The following EEIG2 variants were observed in gnomAD, a reference collection of about 807,000 sequenced individuals.
The protein encoded by EEIG2 is EEIG family member 2.
At chr1:108,600,725 C>T in the EEIG2 span, 1 of 1,577,526 alleles carries the variant, frequency 6.3e-7, no homozygotes, top group Non-Finnish European at 8.7e-7. Context: ...TTTCAGAAAC[C>T]ATAATTAGTT....
chr1:108,579,342 A>G, the EEIG2 span, among the ~76,000 whole-genome samples: 1 of 95,444 alleles, frequency 1.0e-5, no homozygotes, highest in African/African-American at 3.6e-5. Context: ...AGAGACAAAG[A>G]AGGCCATTAC....
chr1:108,619,150 C>T, the EEIG2 span, among the ~76,000 whole-genome samples: 1 of 152,272 alleles, frequency 6.6e-6, no homozygotes, highest in South Asian at 2.1e-4. Flanking sequence ...TCTACTTAAA[C>T]TCACATATTG....
At chr1:108,609,150 T>C in the EEIG2 span, among the ~76,000 whole-genome samples, 2 of 152,202 alleles carry the variant, frequency 1.3e-5, no homozygotes, top group Non-Finnish European at 2.9e-5. Context: ...ATTGACATTG[T>C]AATATACCAA....
At chr1:108,610,202 G>T in the EEIG2 span, among the ~76,000 whole-genome samples, 1 of 152,208 alleles carries the variant, frequency 6.6e-6, no homozygotes, top group Non-Finnish European at 1.5e-5. Flanking sequence ...CAGCATGTTT[G>T]TGTGCTTTTG....
chr1:108,585,603 CT>C, the EEIG2 span, among the ~76,000 whole-genome samples: 1 of 152,132 alleles, frequency 6.6e-6, no homozygotes, highest in Non-Finnish European at 1.5e-5. Context: ...TAATCTCATC[CT>C]TTTACCAATG....
chr1:108,600,801 T>TC, the EEIG2 span: 1 of 1,010,102 alleles, frequency 9.9e-7, no homozygotes, highest in Non-Finnish European at 1.4e-6. Flanking sequence ...TATATGCAGT[T>TC]TCACTTCATG....
chr1:108,567,894 G>C, the EEIG2 span, among the ~76,000 whole-genome samples: 1 of 152,104 alleles, frequency 6.6e-6, no homozygotes, highest in Non-Finnish European at 1.5e-5. Flanking sequence ...GCTACTCAGG[G>C]AGACTGAGGT....
At chr1:108,603,268 G>C in the EEIG2 span, among the ~76,000 whole-genome samples, 1 of 152,168 alleles carries the variant, frequency 6.6e-6, no homozygotes, top group Non-Finnish European at 1.5e-5. Flanking sequence ...CAAAAGAATG[G>C]CTGAGCAGCG....
At chr1:108,597,306 G>C in the EEIG2 span, among the ~76,000 whole-genome samples, 7 of 152,198 alleles carry the variant, frequency 4.6e-5, no homozygotes. Flanking sequence ...TTCTGGCATT[G>C]TGAGAAGCCA....
At chr1:108,623,414 G>C in the EEIG2 span, among the ~76,000 whole-genome samples, 1 of 152,142 alleles carries the variant, frequency 6.6e-6, no homozygotes, top group African/African-American at 2.4e-5. Flanking sequence ...AGGATTGCTT[G>C]AGCTGGAGAA....
chr1:108,579,881 A>G, the EEIG2 span, among the ~76,000 whole-genome samples: 1 of 151,996 alleles, frequency 6.6e-6, no homozygotes, highest in African/African-American at 2.4e-5. Context: ...AGGCTCAAGC[A>G]GTTATCCTGA....
chr1:108,568,114 C>T, the EEIG2 span, among the ~76,000 whole-genome samples: 2 of 151,946 alleles, frequency 1.3e-5, no homozygotes, highest in Non-Finnish European at 2.9e-5. Flanking sequence ...ATTGGATAGT[C>T]ATATCTTATA....
At chr1:108,600,508 C>T in the EEIG2 span, 2 of 1,580,852 alleles carry the variant, frequency 1.3e-6, no homozygotes. Context: ...TATGGGTGTG[C>T]TTTTTAACAT....
At chr1:108,604,114 G>T in the EEIG2 span, among the ~76,000 whole-genome samples, 2 of 152,244 alleles carry the variant, frequency 1.3e-5, no homozygotes, top group Non-Finnish European at 2.9e-5. Context: ...ACCCTATGCA[G>T]TGTAAACAGC....
At chr1:108,560,640 G>T in the EEIG2 span, 1 of 1,526,006 alleles carries the variant, frequency 6.6e-7, no homozygotes, top group Non-Finnish European at 8.8e-7. Context: ...TCTCTCCTTG[G>T]CCCATTTGCT....
the EEIG2 span, chr1:108,560,322 G>T: frequency 5.4e-6 from 5 of 920,106 alleles, no homozygotes; most frequent in Non-Finnish European, 6.5e-6. Flanking sequence ...GCGCCCCCGC[G>T]CACAGCTCGC....
At chr1:108,583,980 A>G in the EEIG2 span, among the ~76,000 whole-genome samples, 1 of 152,108 alleles carries the variant, frequency 6.6e-6, no homozygotes, top group Non-Finnish European at 1.5e-5. Flanking sequence ...GGGTAATATG[A>G]GAGATGCTCT....
chr1:108,593,113 A>G, the EEIG2 span, among the ~76,000 whole-genome samples: 1 of 152,174 alleles, frequency 6.6e-6, no homozygotes, highest in Non-Finnish European at 1.5e-5. Context: ...AGCTGAGATC[A>G]CACCACTGCA....
the EEIG2 span, among the ~76,000 whole-genome samples, chr1:108,563,010 A>G: frequency 6.6e-6 from 1 of 152,232 alleles, no homozygotes; most frequent in Non-Finnish European, 1.5e-5. Context: ...AGTCAGGTGT[A>G]GTTAACACTG....
Sources: gnomAD v4.1 joint callset for allele counts (sites outside exome capture counted in the v4.1 genomes callset) on GRCh38, gnomAD v4.1.1 for gene constraint, MANE v1.5 for transcripts, NCBI Gene and HGNC (gene_info 2026-07-23, HGNC 2026-07-21) for gene names.